The following FRMPD4 variants were observed in gnomAD, a reference collection of about 807,000 sequenced individuals.
The protein encoded by FRMPD4 is FERM and PDZ domain containing 4, also known as FERM and PDZ domain-containing protein 4.
A neutral mutation model predicts 94.1 loss-of-function variants in FRMPD4; 22 were observed. The observed-to-expected ratio is 0.23, with a 90% CI of 0.17 to 0.33. FRMPD4 has a LOEUF of 0.33. FRMPD4 is among the 10% of genes least tolerant of loss of function. FRMPD4 has a pLI of 1.00. For missense variants in FRMPD4, 1,111 were observed against 1,339.9 expected (o/e 0.83, Z 2.67); for synonymous variants, 631 against 548.6 (o/e 1.15, Z -2.10).
At chrX:12,554,036 A>G (rs768368678) in intron 2 of FRMPD4, among the ~76,000 whole-genome samples, 2 of 105,370 alleles carry the variant, frequency 1.9e-5, no homozygotes, top group Non-Finnish European at 3.9e-5. Context: ...GTCTTGCTGC[A>G]ATGTACCCAT....
chrX:12,545,264 T>A (rs868497902), intron 2 of FRMPD4, among the ~76,000 whole-genome samples: 7 of 105,378 alleles, frequency 6.6e-5, no homozygotes, highest in African/African-American at 1.4e-4. Context: ...GATTTTTTTT[T>A]AAGCTCATCA....
At chrX:12,231,029 AG>A (rs377446450) in intron 1 of FRMPD4, among the ~76,000 whole-genome samples, 4,484 of 36,355 alleles carry the variant, frequency 0.12, 333 homozygotes, top group Non-Finnish European at 0.15. Flanking sequence ...GTATATATAT[AG>A]TATATATATA....
intron 1 of FRMPD4, among the ~76,000 whole-genome samples, chrX:12,443,018 A>T (rs1342826989): frequency 8.9e-6 from 1 of 111,998 alleles, no homozygotes; most frequent in African/African-American, 3.2e-5. Context: ...TGTTCGAAAT[A>T]TCCAGAATAG....
chrX:12,302,440 A>G (rs1296563738), intron 1 of FRMPD4, among the ~76,000 whole-genome samples: 1 of 112,075 alleles, frequency 8.9e-6, no homozygotes, highest in Non-Finnish European at 1.9e-5. Context: ...GCTTAAGCAT[A>G]TAGCATACAA....
chrX:12,504,854 G>A (rs1329781034), intron 2 of FRMPD4, among the ~76,000 whole-genome samples: 1 of 112,219 alleles, frequency 8.9e-6, no homozygotes, highest in Non-Finnish European at 1.9e-5. Flanking sequence ...TACTTAATCT[G>A]GCCTTCACTC....
chrX:12,105,465 CAT>C (rs1480248927), intron 3 of FRMPD4, among the ~76,000 whole-genome samples: 8 of 112,304 alleles, frequency 7.1e-5, no homozygotes, highest in Non-Finnish European at 1.1e-4. Context: ...TGTACACACA[CAT>C]GTGTGCACTC....
At chrX:12,591,475 T>C (rs1217515264) in intron 2 of FRMPD4, among the ~76,000 whole-genome samples, 1 of 111,864 alleles carries the variant, frequency 8.9e-6, no homozygotes, top group Non-Finnish European at 1.9e-5. Flanking sequence ...GAGTCAACTG[T>C]ACATCTATAT....
At chrX:12,073,218 C>T (rs1226987611) in intron 3 of FRMPD4, among the ~76,000 whole-genome samples, 14 of 111,170 alleles carry the variant, frequency 1.3e-4, no homozygotes, top group Admixed American at 5.8e-4. Flanking sequence ...CCTCCTTGTA[C>T]GCATATATGA....
intron 1 of FRMPD4, among the ~76,000 whole-genome samples, chrX:12,316,506 C>T (rs2055119211): frequency 8.9e-6 from 1 of 112,027 alleles, no homozygotes; most frequent in African/African-American, 3.2e-5. Context: ...AAAATATTCT[C>T]AACCATTGTG....
chrX:12,677,777 T>G lies in FRMPD4; in HGVS notation c.468+2869T>G, dbSNP rs1160489512. Reference sequence around the variant, plus strand: ...CCTCAACATGACCCAACTGCAGAAATTGATCTCCAATGAGACCTAGGTCAA... The same window carrying G: ...CCTCAACATGACCCAACTGCAGAAAGTGATCTCCAATGAGACCTAGGTCAA... On this transcript the variant is annotated intron_variant, in intron 5 of 16. Transcript: ENST00000675598. Among the ~76,000 whole-genome samples the G allele has an allele frequency of 1.1e-4, 12 of 111,849 alleles. No homozygotes were observed. The Admixed American group carries it at 1.1e-3, about 11-fold the overall frequency.
At chrX:12,647,185 G>T (rs1307361887) in intron 4 of FRMPD4, among the ~76,000 whole-genome samples, 1 of 111,794 alleles carries the variant, frequency 8.9e-6, no homozygotes, top group Non-Finnish European at 1.9e-5. Context: ...TCTTAGTTTT[G>T]GTTCCTTCAC....
intron 1 of FRMPD4, among the ~76,000 whole-genome samples, chrX:12,354,323 T>C (rs921947605): frequency 1.5e-4 from 17 of 112,193 alleles, no homozygotes; most frequent in African/African-American, 5.5e-4. Context: ...TGAGCTGGAA[T>C]ACCTGTCTGC....
intron 1 of FRMPD4, among the ~76,000 whole-genome samples, chrX:12,369,462 G>T (rs1435043268): frequency 9.0e-6 from 1 of 111,420 alleles, no homozygotes; most frequent in Non-Finnish European, 1.9e-5. Flanking sequence ...CAACATTGGA[G>T]ACACAAAAAA....
intron 1 of FRMPD4, among the ~76,000 whole-genome samples, chrX:12,475,650 G>A (rs1358752093): frequency 1.8e-5 from 2 of 111,922 alleles, no homozygotes; most frequent in African/African-American, 6.5e-5. Context: ...AAAATCACAA[G>A]CATTCTTATA....
chrX:11,933,085 C>T (rs1288340560), intron 3 of FRMPD4, among the ~76,000 whole-genome samples: 2 of 111,614 alleles, frequency 1.8e-5, no homozygotes, highest in Non-Finnish European at 3.8e-5. Context: ...ACGTAATGCA[C>T]AAGAGATGAG....
At chrX:12,665,286 C>CA (rs1445040022) in intron 4 of FRMPD4, among the ~76,000 whole-genome samples, 6 of 110,492 alleles carry the variant, frequency 5.4e-5, no homozygotes, top group South Asian at 3.9e-4. Context: ...ACTAAAAATA[C>CA]AAAAAAAATT....
chrX:12,115,112 T>G (rs1027856132), intron 3 of FRMPD4, among the ~76,000 whole-genome samples: 1 of 112,636 alleles, frequency 8.9e-6, no homozygotes, highest in African/African-American at 3.2e-5. Flanking sequence ...CTAATCTCTA[T>G]TATATTTTGG....
rs201113894 is a variant in FRMPD4, at chrX:12,286,271, TTC to T, written c.41+147261_41+147262del. ...ATTTTAGAAGAATCCTGTTTTTTTT[TTC>T]TTGTGAGATAATCTTGCTGTCATTT... On this transcript the variant is annotated intron_variant, in intron 1 of 16. Coordinates refer to ENST00000675598, the MANE Select transcript of FRMPD4 (RefSeq NM_001368397.1). 3.6e-3 allele frequency among the ~76,000 whole-genome samples: 390 copies of T among 109,477 alleles called. 1 individual carries two copies. Among genetic ancestry groups the T allele is most frequent in the African/African-American group, 0.013 (367 of 28,676 alleles).
intron 1 of FRMPD4, among the ~76,000 whole-genome samples, chrX:12,477,038 A>G (rs1184025590): frequency 1.8e-5 from 2 of 111,424 alleles, no homozygotes; most frequent in Non-Finnish European, 3.8e-5. Flanking sequence ...CACAATAGCA[A>G]AGACTTGGAA....
Sources: gnomAD v4.1 joint callset for allele counts (sites outside exome capture counted in the v4.1 genomes callset) on GRCh38, gnomAD v4.1.1 for gene constraint, MANE v1.5 for transcripts, NCBI Gene and HGNC (gene_info 2026-07-23, HGNC 2026-07-21) for gene names.